SLC10A2: variants seen among roughly 807,000 people sequenced by gnomAD.
SLC10A2 encodes the protein solute carrier family 10 member 2, also known as ileal sodium/bile acid cotransporter.
SLC10A2 carries 34 observed loss-of-function variants against 27.1 expected under a neutral mutation model. The ratio of observed to expected loss-of-function variants is 1.26; its 90% CI spans 0.96 to 1.67. The LOEUF is 1.67. Ranked by LOEUF, SLC10A2 falls within the 40% of genes most tolerant of loss-of-function variation. The pLI is 0.00. For synonymous variants in SLC10A2, 205 were observed against 174.0 expected, an observed-to-expected ratio of 1.18 and a Z score of -1.40; for missense variants, 530 against 444.4, an observed-to-expected ratio of 1.19 and a Z score of -1.73.
chr13:103,064,880 C>T (rs1240698793), intron 1 of SLC10A2, among the ~76,000 whole-genome samples: 3 of 152,196 alleles, frequency 2.0e-5, no homozygotes, highest in Non-Finnish European at 4.4e-5. Context: ...AATGAGACAG[C>T]AGGTTCCTAA....
chr13:103,046,352 G>A, intron 5 of SLC10A2, 92 bp from the exon 6 acceptor site: 1 of 1,075,018 alleles, frequency 9.3e-7, no homozygotes, highest in South Asian at 1.4e-5. Context: ...GATTCACATG[G>A]CAGATCACAT....
At chr13:103,064,756 A>G (rs1340989140) in intron 1 of SLC10A2, among the ~76,000 whole-genome samples, 1 of 151,744 alleles carries the variant, frequency 6.6e-6, no homozygotes, top group Non-Finnish European at 1.5e-5. Flanking sequence ...TAAAAAAAAA[A>G]AAGCAATTGC....
Position 103,049,403 on chromosome 13 carries a change from G to A in SLC10A2, c.805C>T (p.Leu269=). 1 of 1,614,064 alleles carries A rather than the reference G, an allele frequency of 6.2e-7. No homozygotes were observed. ...AFETGMQNTQ[L]CSTIVQLSFT... ...GAGAGCTGAACGATGGTGGAACATAGCTGCGTGTTCTGCATCCCCGTTTCA... is the reference window on the plus strand; with the variant it reads ...GAGAGCTGAACGATGGTGGAACATAACTGCGTGTTCTGCATCCCCGTTTCA... Residue 269 remains leucine (L), a synonymous_variant, in exon 5 of 6, where the codon CTA becomes TTA. Transcript: ENST00000245312.
rs199601856 is a variant in SLC10A2, at chr13:103,051,231, C to T, written c.761+26G>A. 7.4e-6 allele frequency: 12 copies of T among 1,611,282 alleles called. 1 individual carries two copies. The South Asian group carries it at 1.3e-4, about 18-fold the overall frequency. The stretch of plus-strand genomic sequence containing the variant: ...CAACAGATATTACAGATTAAAATTC[C>T]CAATGTGATTTACTAAATGCCATAC... On this transcript the variant is annotated intron_variant, in intron 4 of 5. Coordinates refer to ENST00000245312, the MANE Select transcript of SLC10A2 (RefSeq NM_000452.3).
At chr13:103,046,660 T>C (rs1028333309) in intron 5 of SLC10A2, among the ~76,000 whole-genome samples, 1 of 152,226 alleles carries the variant, frequency 6.6e-6, no homozygotes, top group East Asian at 1.9e-4. Flanking sequence ...TGGTCCTCTG[T>C]AGAAGGACTT....
Position 103,049,333 on chromosome 13 carries a change from A to G in SLC10A2, c.875T>C (p.Ile292Thr), listed in dbSNP as rs201990786. 2 of 1,614,046 alleles carry G rather than the reference A, an allele frequency of 1.2e-6. No individual in the cohort carries two copies. The highest frequency in any genetic ancestry group is 1.1e-5 in the South Asian group (1 of 91,084). Residue 292 changes from isoleucine (I) to threonine (T), a missense_variant, in exon 5 of 6, where the codon ATC becomes ACC. Coordinates refer to ENST00000245312, the MANE Select transcript of SLC10A2 (RefSeq NM_000452.3). ...ELNVVFTFPL[I>T]YSIFQLAFAA... Reference sequence around the variant, plus strand: ...AAAGGCGAGCTGGAAAATGCTGTAGATGAGCGGGAAGGTGAATACGACATT... The same window carrying G: ...AAAGGCGAGCTGGAAAATGCTGTAGGTGAGCGGGAAGGTGAATACGACATT...
In SLC10A2 at chr13:103,058,255, A is replaced by C. The variant is rs1044136968; in HGVS notation, c.496+9T>G. The C allele has an allele frequency of 6.9e-7, 1 of 1,452,436 alleles. No homozygotes were observed. Among genetic ancestry groups the C allele is most frequent in the African/African-American group, 1.4e-5 (1 of 71,718 alleles). 90.0% of individuals were successfully genotyped at this position (1,452,436 alleles called of 1,614,324 possible). On this transcript the variant is annotated intron_variant, in intron 2 of 5. Coordinates refer to ENST00000245312, the MANE Select transcript of SLC10A2 (RefSeq NM_000452.3). The stretch of plus-strand genomic sequence containing the variant: ...TAACAGTCAACAGTCTTACAGATGG[A>C]TGACTTACCTATGTTATCATAGGGA...
In SLC10A2 at chr13:103,045,946, C is replaced by T; in HGVS notation, c.*187G>A. The stretch of plus-strand genomic sequence containing the variant: ...AAAACATATACATATATATAGGAAA[C>T]AATATTTGTCCCATTAAAGAATTGG... On this transcript the variant is annotated 3_prime_UTR_variant, in exon 6 of 6. Transcript: ENST00000245312. 1 of 584,674 alleles carries T rather than the reference C, an allele frequency of 1.7e-6. No homozygotes were observed. The allele number at this position is 584,674 out of a possible 1,614,324, so 36.2% of individuals were successfully genotyped here.
At chr13:103,047,390 A>T (rs1029529118) in intron 5 of SLC10A2, among the ~76,000 whole-genome samples, 1 of 152,118 alleles carries the variant, frequency 6.6e-6, no homozygotes, top group South Asian at 2.1e-4. Flanking sequence ...CAATTTGAAG[A>T]TCCGCCACTT....
chr13:103,049,519 A>G, intron 4 of SLC10A2, 73 bp from the exon 5 acceptor site: 1 of 1,414,758 alleles, frequency 7.1e-7, no homozygotes, highest in South Asian at 1.2e-5. Context: ...AGATATAATA[A>G]TAAGTACATA....
At chr13:103,049,070 T>C (rs184295939) in intron 5 of SLC10A2, among the ~76,000 whole-genome samples, 9 of 152,356 alleles carry the variant, frequency 5.9e-5, no homozygotes, top group Non-Finnish European at 1.3e-4. Context: ...TCGGCCTCCA[T>C]TACTTTTCAC....
At chr13:103,065,216 C>T (rs1451355943) in intron 1 of SLC10A2, among the ~76,000 whole-genome samples, 1 of 152,074 alleles carries the variant, frequency 6.6e-6, no homozygotes, top group African/African-American at 2.4e-5. Flanking sequence ...ATGAAATGGG[C>T]AAACATTGCA....
In SLC10A2 at chr13:103,049,244, A is replaced by G; in HGVS notation, c.919+45T>C. On this transcript the variant is annotated intron_variant, in intron 5 of 5. Transcript: ENST00000245312. ...AAAATGTTGTTTTAGCAACTCCAGG[A>G]TTTTTCAAAGATTATCATGAAATGG... is the stretch of plus-strand genomic sequence containing the variant. 5 of 1,609,034 alleles carry G rather than the reference A, an allele frequency of 3.1e-6. No homozygotes were observed. In the South Asian group the frequency reaches 4.4e-5, roughly 14 times the overall value.
rs182501546 is a variant in SLC10A2, at chr13:103,051,208, A to T, written c.761+49T>A. On this transcript the variant is annotated intron_variant, in intron 4 of 5. Transcript: ENST00000245312. ...ATGGCACCTCTAGCAAAGGAATACA[A>T]CAGATATTACAGATTAAAATTCCCA... 4.4e-4 allele frequency: 704 copies of T among 1,586,390 alleles called. 4 individuals carry two copies. In the African/African-American group the frequency reaches 8.1e-3, roughly 18 times the overall value.
In SLC10A2 at chr13:103,066,061, CT is replaced by C; in HGVS notation, c.188del (p.Lys63SerfsTer36). On this transcript the variant is annotated frameshift_variant, in exon 1 of 6. Transcript: ENST00000245312. LOFTEE classifies it high-confidence loss of function. ...AGCCAACACAAATGCCCCACGGCCGCTTTATGTGCCCTAGAAATTTCTTGAT... is the reference window on the plus strand; with the variant it reads ...AGCCAACACAAATGCCCCACGGCCGCTTATGTGCCCTAGAAATTTCTTGAT... ...VEIKKFLGHI[K>X]RPWGICVGFL... 12 of 1,614,198 alleles carry C rather than the reference CT, an allele frequency of 7.4e-6. No individual in the cohort carries two copies. Among genetic ancestry groups the C allele is most frequent in the Non-Finnish European group, 1.0e-5 (12 of 1,180,020 alleles).
At chr13:103,060,572 C>T (rs1417743769) in intron 1 of SLC10A2, among the ~76,000 whole-genome samples, 1 of 151,828 alleles carries the variant, frequency 6.6e-6, no homozygotes, top group Non-Finnish European at 1.5e-5. Context: ...GATGGGGTTT[C>T]ACCATGTTGT....
chr13:103,052,856 A>G, intron 2 of SLC10A2, 148 bp from the exon 3 acceptor site: 1 of 677,944 alleles, frequency 1.5e-6, no homozygotes, highest in African/African-American at 1.8e-5. Flanking sequence ...TTACACACAC[A>G]CACATGCACA....
rs1017919642 is a variant in SLC10A2, at chr13:103,065,259, G to A, written c.377+614C>T. Among the ~76,000 whole-genome samples, 5 of 152,068 alleles carry A rather than the reference G, an allele frequency of 3.3e-5. No homozygotes were observed. The East Asian group carries it at 7.7e-4, about 23-fold the overall frequency. On this transcript the variant is annotated intron_variant, in intron 1 of 5. Coordinates refer to ENST00000245312, the MANE Select transcript of SLC10A2 (RefSeq NM_000452.3). ...TTACTCTGTAGGAAGTGGAGAAAAC[G>A]TTTTCTGTTTATTTTGTAGTAAGGT...
chr13:103,046,208 C>T lies in SLC10A2; in HGVS notation c.972G>A (p.Glu324=), dbSNP rs200953829. The T allele has an allele frequency of 1.9e-6, 3 of 1,613,784 alleles. No homozygotes were observed. Among genetic ancestry groups the T allele is most frequent in the Non-Finnish European group, 1.7e-6 (2 of 1,179,768 alleles). Residue 324 remains glutamate (E), a synonymous_variant, in exon 6 of 6, where the codon GAG becomes GAA. Coordinates refer to ENST00000245312, the MANE Select transcript of SLC10A2 (RefSeq NM_000452.3). ...CHGKNKAEIP[E]SKENGTEPES... ...CTGGCTCCGTTCCATTTTCTTTGCT[C>T]TCTGGAATTTCTGCCTTGTTTTTTC...
Sources: gnomAD v4.1 joint callset for allele counts (sites outside exome capture counted in the v4.1 genomes callset) on GRCh38, gnomAD v4.1.1 for gene constraint, MANE v1.5 for transcripts, NCBI Gene and HGNC (gene_info 2026-07-23, HGNC 2026-07-21) for gene names.